HGD: variants seen among roughly 807,000 people sequenced by gnomAD.
HGD encodes homogentisate oxidase.
Under a neutral mutation model 60.8 loss-of-function variants are expected in HGD, and 61 were observed. That is an observed-to-expected ratio of 1.00 (90% CI 0.82 to 1.24). The LOEUF (loss-of-function observed/expected upper bound fraction) is 1.24, where lower values mean the gene tolerates loss of function less well. Ranked by LOEUF, HGD falls within the 50% of genes most tolerant of loss-of-function variation. HGD has a pLI of 0.00. For synonymous variants in HGD, 212 were observed against 187.7 expected (o/e 1.13, Z -1.06); for missense variants, 542 against 547.1 (o/e 0.99, Z 0.09).
chr3:120,646,933 T>G (rs760074872), intron 8 of HGD, 40 bp downstream of exon 8: 1 of 1,495,028 alleles, frequency 6.7e-7, no homozygotes, highest in East Asian at 2.3e-5. Context: ...TGCTCCCAAA[T>G]TAGTGAGAGG....
rs150266309 is a variant in HGD at position 120,657,747 on chromosome 3, C to T, written c.283-5096G>A. Among the ~76,000 whole-genome samples the T allele has an allele frequency of 1.8e-4, 27 of 151,378 alleles. No individual in the cohort carries two copies. In the East Asian group the frequency reaches 5.1e-3, roughly 28 times the overall value. ...GGCATCTGCTCAGTTTCTGAGGAGG[C>T]GTCAAGAAATGTACAATCATGACAG... On this transcript the variant is annotated intron_variant, in intron 4 of 13. Coordinates refer to ENST00000283871, the MANE Select transcript of HGD (RefSeq NM_000187.4).
chr3:120,633,234 T>C lies in HGD; in HGVS notation c.1101A>G (p.Thr367=). 1.2e-6 allele frequency: 2 copies of C among 1,614,158 alleles called. No individual in the cohort carries two copies. The highest frequency in any genetic ancestry group is 1.7e-6 in the Non-Finnish European group (2 of 1,180,014). The change falls in exon 13 of 14, where the codon ACA becomes ACG. Residue 367 remains threonine, a synonymous_variant. Transcript: ENST00000283871. ...CAGCATCAGGTCCATGGGGGGTCAT[T>C]GTGCTGTGTAGACTCCCTCCCCCTG... ...FLPGGGSLHS[T]MTPHGPDADC...
In HGD at chr3:120,651,001, C is replaced by G. The variant is rs1941326615; in HGVS notation, c.343-136G>C. On this transcript the variant is annotated intron_variant, in intron 5 of 13. Coordinates refer to ENST00000283871, the MANE Select transcript of HGD (RefSeq NM_000187.4). ...TTGGGACCGGTGGGACGTTTGGAATCCAGGCAGCCTCTAAGGAGCCTGAAT... is the reference window on the plus strand; with the variant it reads ...TTGGGACCGGTGGGACGTTTGGAATGCAGGCAGCCTCTAAGGAGCCTGAAT... 6.5e-6 allele frequency: 5 copies of G among 770,654 alleles called. No individual in the cohort carries two copies. In the East Asian group the frequency reaches 1.2e-4, roughly 19 times the overall value. The allele number at this position is 770,654 out of a possible 1,614,324, so 47.7% of individuals were successfully genotyped here. A position where few individuals can be genotyped will look rare whatever the true frequency, so the allele number is the denominator to read the frequency against.
At chr3:120,650,409 T>C (rs949610125) in intron 6 of HGD, among the ~76,000 whole-genome samples, 3 of 152,262 alleles carry the variant, frequency 2.0e-5, no homozygotes, top group Non-Finnish European at 4.4e-5. Context: ...TGGTCACTCA[T>C]ATTTGGCTCA....
chr3:120,673,802 A>C (rs942578571), intron 3 of HGD, among the ~76,000 whole-genome samples: 5 of 152,206 alleles, frequency 3.3e-5, no homozygotes, highest in Non-Finnish European at 5.9e-5. Context: ...GCCTGTGCCA[A>C]TGTGCTAAGC....
chr3:120,638,324 T>C (rs1940848057), intron 12 of HGD, 131 bp downstream of exon 12: 1 of 1,110,140 alleles, frequency 9.0e-7, no homozygotes, highest in Non-Finnish European at 1.4e-6. Context: ...CTAGGCCTTG[T>C]GCAGCAGGAT....
rs777230877 is a variant in HGD at position 120,670,485 on chromosome 3, G to T, written c.224C>A (p.Ser75Tyr). Residue 75 changes from serine to tyrosine, a missense_variant, in exon 4 of 14, where the codon TCC becomes TAC. Coordinates refer to ENST00000283871, the MANE Select transcript of HGD (RefSeq NM_000187.4). ...LPSVSHKPFE[S>Y]IDEGQVTHNW... ...GTGAGTGACTTGGCCTTCGTCAATG[G>T]ATTCAAAGGGCTTGTGAGAAACTGA... 25 of 1,610,988 alleles carry T rather than the reference G, an allele frequency of 1.6e-5. 1 individual carries two copies. In the South Asian group the frequency reaches 2.6e-4, roughly 17 times the overall value.
Position 120,651,075 on chromosome 3 carries a change from T to C in HGD, c.343-210A>G, listed in dbSNP as rs970851588. 3.3e-5 allele frequency among the ~76,000 whole-genome samples: 5 copies of C among 152,246 alleles called. No individual in the cohort carries two copies. The South Asian group carries it at 1.0e-3, about 31-fold the overall frequency. ...TGTGGTTTACCCTAGTCTCCAGCCA[T>C]GGCCTAAATCTGGGTTGTCTTAGTG... On this transcript the variant is annotated intron_variant, in intron 5 of 13. Transcript: ENST00000283871.
chr3:120,667,405 C>A (rs979295775), intron 4 of HGD, among the ~76,000 whole-genome samples: 1 of 149,170 alleles, frequency 6.7e-6, no homozygotes, highest in Admixed American at 6.7e-5. Context: ...GGATATGTCA[C>A]ACGAACTCCA....
chr3:120,637,235 T>C (rs1179406646), intron 12 of HGD, among the ~76,000 whole-genome samples: 4 of 151,122 alleles, frequency 2.6e-5, no homozygotes, highest in East Asian at 1.9e-4. Context: ...AATTAAATCC[T>C]GACTCTACAC....
chr3:120,659,604 A>T (rs2015444), intron 4 of HGD, among the ~76,000 whole-genome samples: 128,753 of 152,218 alleles, frequency 0.85, 55,280 homozygotes, highest in East Asian at 0.98. Flanking sequence ...TTTGAAACTA[A>T]CCCTCATCTT....
At chr3:120,670,558 A>G (rs907558576) in intron 3 of HGD, 26 bp from the exon 4 acceptor site, 2 of 1,274,720 alleles carry the variant, frequency 1.6e-6, no homozygotes, top group Non-Finnish European at 2.3e-6. Context: ...TACAAGATAT[A>G]CAAGCCTTAG....
intron 11 of HGD, among the ~76,000 whole-genome samples, chr3:120,640,820 C>A (rs1269372649): frequency 2.6e-5 from 4 of 152,122 alleles, no homozygotes; most frequent in Non-Finnish European, 5.9e-5. Context: ...TTTGTCCCCC[C>A]AGAGATAAAC....
chr3:120,663,294 T>C (rs1056339987), intron 4 of HGD, among the ~76,000 whole-genome samples: 2 of 151,274 alleles, frequency 1.3e-5, no homozygotes, highest in Non-Finnish European at 3.0e-5. Flanking sequence ...GAGGTGAGAG[T>C]TGTGTTAGTC....
At chr3:120,636,202 C>A (rs1243313882) in intron 12 of HGD, among the ~76,000 whole-genome samples, 3 of 150,684 alleles carry the variant, frequency 2.0e-5, no homozygotes, top group African/African-American at 7.3e-5. Flanking sequence ...ATCACTTGAG[C>A]CTGGGGGGTG....
chr3:120,634,792 C>T (rs1384992050), intron 12 of HGD, among the ~76,000 whole-genome samples: 1 of 152,146 alleles, frequency 6.6e-6, no homozygotes, highest in African/African-American at 2.4e-5. Context: ...GACTAAGCAG[C>T]CACACCCACC....
chr3:120,631,909 G>A lies in HGD; in HGVS notation c.1188+1238C>T, dbSNP rs184639375. On this transcript the variant is annotated intron_variant, in intron 13 of 13. Coordinates refer to ENST00000283871, the MANE Select transcript of HGD (RefSeq NM_000187.4). ...CAGCCCTGTCCTACGCCTCACTGTT[G>A]TAAAACACAGCTCCCTCATAACATT... is the stretch of plus-strand genomic sequence containing the variant. 2.1e-3 allele frequency among the ~76,000 whole-genome samples: 321 copies of A among 152,268 alleles called. 2 individuals are homozygous for A. Among genetic ancestry groups the A allele is most frequent in the Non-Finnish European group, 6.8e-4 (46 of 68,010 alleles).
At chr3:120,656,621 G>A (rs1472955188) in intron 4 of HGD, among the ~76,000 whole-genome samples, 1 of 151,868 alleles carries the variant, frequency 6.6e-6, no homozygotes, top group Non-Finnish European at 1.5e-5. Flanking sequence ...GCGCGATATT[G>A]GCTCACTGCA....
At chr3:120,681,392 A>G (rs1189527264) in intron 1 of HGD, among the ~76,000 whole-genome samples, 1 of 152,188 alleles carries the variant, frequency 6.6e-6, no homozygotes, top group Admixed American at 6.5e-5. Context: ...AGGAGCCACT[A>G]AGGCCCCTTT....
Sources: gnomAD v4.1 joint callset for allele counts (sites outside exome capture counted in the v4.1 genomes callset) on GRCh38, gnomAD v4.1.1 for gene constraint, MANE v1.5 for transcripts, NCBI Gene and HGNC (gene_info 2026-07-23, HGNC 2026-07-21) for gene names.